Variants in PCCA observed in about 807,000 individuals in gnomAD.
PCCA encodes propionyl-CoA carboxylase alpha chain, mitochondrial.
A neutral mutation model predicts 101.3 loss-of-function variants in PCCA; 74 were observed. The observed-to-expected ratio is 0.73, with a 90% CI of 0.61 to 0.89. PCCA has a LOEUF of 0.89. PCCA is among the 40% of genes least tolerant of loss of function. The pLI is 0.00. For missense variants in PCCA, 891 were observed against 907.0 expected (o/e 0.98, Z 0.23); for synonymous variants, 294 against 313.6 (o/e 0.94, Z 0.66).
At chr13:100,452,248 C>G (rs1349771408) in intron 21 of PCCA, among the ~76,000 whole-genome samples, 1 of 151,572 alleles carries the variant, frequency 6.6e-6, no homozygotes, top group Admixed American at 6.6e-5. Context: ...CTCTCCCTGT[C>G]TCCCTCTCCC....
At chr13:100,441,989 CTT>C (rs776208311) in intron 20 of PCCA, among the ~76,000 whole-genome samples, 9 of 128,504 alleles carry the variant, frequency 7.0e-5, no homozygotes, top group Admixed American at 1.7e-4. Flanking sequence ...TTCCTTTTTT[CTT>C]TTTTTTTTTT....
rs35822001 is a variant in PCCA, at chr13:100,341,957, G to GTATATA, written c.1643+1718_1643+1723dup. ...TAATGTTTTGGTAGAACCCTTCAAAGTATATATATATATATATATATATAT... is the reference window on the plus strand; with the variant it reads ...TAATGTTTTGGTAGAACCCTTCAAAGTATATATATATATATATATATATATATATAT... On this transcript the variant is annotated intron_variant, in intron 18 of 23. Coordinates refer to ENST00000376285, the MANE Select transcript of PCCA (RefSeq NM_000282.4). Among the ~76,000 whole-genome samples, 894 of 107,144 alleles carry GTATATA rather than the reference G, an allele frequency of 8.3e-3. 51 individuals are homozygous for GTATATA. The highest frequency in any genetic ancestry group is 0.021 in the African/African-American group (497 of 23,364). The allele number at this position is 107,144 out of a possible 152,430, so 70.3% of individuals were successfully genotyped here. A position where few individuals can be genotyped will look rare whatever the true frequency, so the allele number is the denominator to read the frequency against.
intron 6 of PCCA, among the ~76,000 whole-genome samples, chr13:100,196,584 G>C (rs922589194): frequency 6.6e-6 from 1 of 152,014 alleles, no homozygotes; most frequent in Admixed American, 6.6e-5. Context: ...ATATACTTTA[G>C]ACTAAATGAA....
chr13:100,214,045 A>G (rs1256256245), intron 7 of PCCA, among the ~76,000 whole-genome samples: 1 of 152,032 alleles, frequency 6.6e-6, no homozygotes, highest in African/African-American at 2.4e-5. Flanking sequence ...CTATAGATAT[A>G]TGGATTTATT....
chr13:100,473,519 G>A (rs191707425), intron 21 of PCCA, among the ~76,000 whole-genome samples: 2 of 152,204 alleles, frequency 1.3e-5, no homozygotes, highest in Admixed American at 6.5e-5. Context: ...TATTTCTTAG[G>A]TTACACTCTC....
intron 10 of PCCA, 78 bp from the exon 11 acceptor site, chr13:100,268,611 T>C: frequency 1.0e-6 from 1 of 968,558 alleles, no homozygotes; most frequent in Non-Finnish European, 1.7e-6. Context: ...CCAAGAGATG[T>C]TGCATGCGGA....
chr13:100,404,492 T>A (rs1197481806), intron 19 of PCCA, among the ~76,000 whole-genome samples: 2 of 151,256 alleles, frequency 1.3e-5, no homozygotes, highest in African/African-American at 2.4e-5. Flanking sequence ...TTCAAAGGAG[T>A]CCTGGGGGTC....
chr13:100,259,039 T>A (rs1302713013), intron 9 of PCCA, among the ~76,000 whole-genome samples: 4 of 152,178 alleles, frequency 2.6e-5, no homozygotes, highest in African/African-American at 9.7e-5. Context: ...ACTGCAAACA[T>A]GCCTATGCTT....
intron 12 of PCCA, among the ~76,000 whole-genome samples, chr13:100,278,173 T>A (rs9518039): frequency 0.94 from 143,707 of 152,266 alleles, 68,371 homozygotes; most frequent in East Asian, 1. Flanking sequence ...CTAATTAGAT[T>A]ATTAGCTGGG....
intron 6 of PCCA, among the ~76,000 whole-genome samples, chr13:100,207,703 G>A (rs1042335094): frequency 9.2e-5 from 14 of 151,856 alleles, no homozygotes; most frequent in Admixed American, 6.6e-4. Flanking sequence ...TTTTAATTCC[G>A]TCCTGTATTT....
intron 19 of PCCA, among the ~76,000 whole-genome samples, chr13:100,413,741 A>C (rs1184107407): frequency 6.6e-6 from 1 of 152,220 alleles, no homozygotes; most frequent in Admixed American, 6.5e-5. Flanking sequence ...CTGAGGTTCA[A>C]ACACAAGCAT....
At chr13:100,281,519 G>A (rs2064119397) in intron 12 of PCCA, among the ~76,000 whole-genome samples, 1 of 152,104 alleles carries the variant, frequency 6.6e-6, no homozygotes, top group South Asian at 2.1e-4. Context: ...TACTATATAT[G>A]CAATTTGCTG....
At chr13:100,225,354 T>G (rs2060088489) in intron 7 of PCCA, among the ~76,000 whole-genome samples, 1 of 152,236 alleles carries the variant, frequency 6.6e-6, no homozygotes, top group Non-Finnish European at 1.5e-5. Context: ...TTTAATGTCC[T>G]TTAGTTCTAA....
intron 16 of PCCA, among the ~76,000 whole-genome samples, chr13:100,318,182 TCA>T: frequency 1.3e-5 from 2 of 152,288 alleles, no homozygotes; most frequent in African/African-American, 4.8e-5. Flanking sequence ...GCATGGCCTA[TCA>T]CACGCTGAAT....
chr13:100,152,571 C>T (rs960772431), intron 4 of PCCA, among the ~76,000 whole-genome samples: 8 of 152,136 alleles, frequency 5.3e-5, no homozygotes, highest in Non-Finnish European at 1.0e-4. Flanking sequence ...CTCAGCCTCC[C>T]GAGTAGCTGG....
chr13:100,089,604 T>C (rs963671467), intron 1 of PCCA, among the ~76,000 whole-genome samples: 1 of 152,244 alleles, frequency 6.6e-6, no homozygotes, highest in African/African-American at 2.4e-5. Flanking sequence ...GTCCTTATAG[T>C]TTCCGTGTTC....
intron 21 of PCCA, among the ~76,000 whole-genome samples, chr13:100,457,330 A>G (rs1000526725): frequency 2.0e-5 from 3 of 151,850 alleles, no homozygotes; most frequent in South Asian, 2.1e-4. Context: ...ACTATGAGCT[A>G]TGAATGGAAG....
chr13:100,346,057 A>G (rs188877619), intron 18 of PCCA, among the ~76,000 whole-genome samples: 7 of 152,238 alleles, frequency 4.6e-5, no homozygotes, highest in African/African-American at 1.7e-4. Flanking sequence ...TCTGATGGAG[A>G]AGCACAAGGA....
chr13:100,328,460 T>C (rs4772284), intron 16 of PCCA, among the ~76,000 whole-genome samples: 140,376 of 149,388 alleles, frequency 0.94, 66,607 homozygotes, highest in East Asian at 1. Flanking sequence ...CTGTAGTTTG[T>C]TATTTTATTT....
Sources: allele counts gnomAD v4.1 joint callset (sites outside exome capture counted in the v4.1 genomes callset), GRCh38; gene constraint gnomAD v4.1.1; transcripts MANE v1.5; gene names NCBI Gene and HGNC (gene_info 2026-07-23, HGNC 2026-07-21).